The following STOX2 variants were observed in gnomAD, a reference collection of about 807,000 sequenced individuals.
The protein encoded by STOX2 is storkhead-box protein 2.
STOX2 carries 28 observed loss-of-function variants against 60.9 expected under a neutral mutation model. The observed-to-expected ratio is 0.46, with a 90% CI of 0.34 to 0.63. STOX2 has a LOEUF of 0.63. Among genes scored for constraint, STOX2 ranks in the 30% least tolerant of loss-of-function variants. The pLI, the probability that STOX2 is intolerant of heterozygous loss-of-function variation, is 0.01. For missense variants in STOX2, 1,024 were observed against 1,187.7 expected (o/e 0.86, Z 2.03); for synonymous variants, 472 against 463.9 (o/e 1.02, Z -0.22).
At position 183,873,306 on chromosome 4, in the gene STOX2, C is replaced by G. The variant is rs369489847; in HGVS notation, c.364+75251C>G. On this transcript the variant is annotated intron_variant, in intron 1 of 2. Transcript: ENST00000513034. ...CTACTAAAATGCAAAATTAGCCAGG[C>G]GTGTTGGCACATGCCTGTAATCCCA... is the stretch of plus-strand genomic sequence containing the variant. 1.3e-4 allele frequency among the ~76,000 whole-genome samples: 20 copies of G among 152,176 alleles called. No individual in the cohort carries two copies. The East Asian group carries it at 1.5e-3, about 12-fold the overall frequency.
intron 1 of STOX2, among the ~76,000 whole-genome samples, chr4:183,850,956 CGAT>C (rs1158898024): frequency 1.9e-3 from 20 of 10,476 alleles, no homozygotes; most frequent in African/African-American, 3.5e-3. Context: ...ATGAGGGAAA[CGAT>C]GAGGGAAAGG....
chr4:184,005,821 C>T (rs986069559), intron 2 of STOX2, among the ~76,000 whole-genome samples: 9 of 152,130 alleles, frequency 5.9e-5, no homozygotes, highest in African/African-American at 1.7e-4. Context: ...AGTCTGAAAA[C>T]TCTCAGGTCA....
intron 1 of STOX2, among the ~76,000 whole-genome samples, chr4:183,803,352 A>G (rs1579283343): frequency 6.6e-6 from 1 of 152,152 alleles, no homozygotes; most frequent in Non-Finnish European, 1.5e-5. Flanking sequence ...CTGAGATTAC[A>G]GATGTTAGCA....
chr4:183,978,840 T>C (rs750904369), intron 1 of STOX2, among the ~76,000 whole-genome samples: 3 of 152,146 alleles, frequency 2.0e-5, no homozygotes, highest in Non-Finnish European at 2.9e-5. Context: ...TTTGGGGTGA[T>C]AGAGCAATTC....
At position 184,010,899 on chromosome 4, in the gene STOX2, G is replaced by A. The variant is rs200863506; in HGVS notation, c.2061G>A (p.Glu687=). ...NGRLVQHHGA[E]PSSLDKRKEI... ...GCCTCGTCCAGCACCATGGTGCCGA[G>A]CCCAGCAGCTTGGACAAGAGGAAAG... The change falls in exon 3 of 4, where the codon GAG becomes GAA. Residue 687 remains glutamate, a synonymous_variant. Coordinates refer to ENST00000308497, the MANE Select transcript of STOX2 (RefSeq NM_020225.3). This position sits in a 1 kb window ranked among gnomAD's most constrained non-coding sequence, Gnocchi z 4.5. The A allele has an allele frequency of 2.6e-5, 42 of 1,613,066 alleles. No individual in the cohort carries two copies. The East Asian group carries it at 9.4e-4, about 36-fold the overall frequency.
At position 183,824,494 on chromosome 4, in the gene STOX2, TAAAC is replaced by T. The variant is rs1157113310; in HGVS notation, c.364+26441_364+26444del. On this transcript the variant is annotated intron_variant, in intron 1 of 2. Coordinates refer to the STOX2 transcript ENST00000513034. ...GGATGAACTCTGAGAGCTTCTCAAA[TAAAC>T]AGCCACAAAGATATTATTGTGTGAT... is the stretch of plus-strand genomic sequence containing the variant. 2.0e-5 allele frequency among the ~76,000 whole-genome samples: 3 copies of T among 152,138 alleles called. No homozygotes were observed. The East Asian group carries it at 5.8e-4, about 29-fold the overall frequency.
intron 1 of STOX2, among the ~76,000 whole-genome samples, chr4:183,932,963 AG>A (rs1337864002): frequency 6.6e-6 from 1 of 152,218 alleles, no homozygotes; most frequent in Non-Finnish European, 1.5e-5. Context: ...TATTCTGCAG[AG>A]CTTGCCTCTA....
chr4:183,935,045 G>A (rs1027790190), intron 1 of STOX2, among the ~76,000 whole-genome samples: 1 of 152,248 alleles, frequency 6.6e-6, no homozygotes, highest in African/African-American at 2.4e-5. Context: ...AGTTCAGTTT[G>A]TTCCATCTCC....
intron 1 of STOX2, among the ~76,000 whole-genome samples, chr4:183,927,867 C>T (rs551690333): frequency 6.6e-6 from 1 of 152,320 alleles, no homozygotes; most frequent in East Asian, 1.9e-4. Flanking sequence ...TGTTTCTCCA[C>T]TTGCAGGTAA....
chr4:183,891,306 A>G (rs113306893), intron 1 of STOX2, among the ~76,000 whole-genome samples: 1,594 of 9,956 alleles, frequency 0.16, 69 homozygotes, highest in African/African-American at 0.27. Context: ...ATATATATAT[A>G]TATCTATGAT....
intron 1 of STOX2, among the ~76,000 whole-genome samples, chr4:183,932,397 A>G (rs1200840990): frequency 3.2e-4 from 7 of 22,176 alleles, no homozygotes; most frequent in Non-Finnish European, 7.4e-4. Flanking sequence ...ATGTATACAT[A>G]CAGTATATGT....
At chr4:183,844,230 C>G (rs748920226) in intron 1 of STOX2, among the ~76,000 whole-genome samples, 35 of 152,210 alleles carry the variant, frequency 2.3e-4, no homozygotes, top group Middle Eastern at 3.4e-3. Context: ...TTGGAGAGTT[C>G]CCATGTTCCG....
intron 1 of STOX2, among the ~76,000 whole-genome samples, chr4:183,799,543 A>G (rs1298744849): frequency 6.6e-6 from 1 of 152,234 alleles, no homozygotes; most frequent in African/African-American, 2.4e-5. Flanking sequence ...AATATATACA[A>G]AAGTAGTATA....
At position 184,009,819 on chromosome 4, in the gene STOX2, C is replaced by G; in HGVS notation, c.981C>G (p.Val327=). The change falls in exon 3 of 4, where the codon GTC becomes GTG. Residue 327 remains valine, a synonymous_variant. Transcript: ENST00000308497. This position sits in a 1 kb window ranked among gnomAD's most constrained non-coding sequence, Gnocchi z 4.0. ...RINPDLTVEN[V]MRHTALMKKL... is the part of the protein sequence containing the mutation. ...ACCCAGACCTGACCGTGGAAAATGT[C>G]ATGCGGCACACCGCGCTCATGAAGA... 1 of 1,612,142 alleles carries G rather than the reference C, an allele frequency of 6.2e-7. No individual in the cohort carries two copies. Among genetic ancestry groups the G allele is most frequent in the Non-Finnish European group, 8.5e-7 (1 of 1,179,126 alleles).
At chr4:183,927,009 AG>A (rs1410125148) in intron 1 of STOX2, among the ~76,000 whole-genome samples, 1 of 152,246 alleles carries the variant, frequency 6.6e-6, no homozygotes, top group Non-Finnish European at 1.5e-5. Flanking sequence ...CTTAACAGAA[AG>A]GAAAAAATGC....
intron 1 of STOX2, among the ~76,000 whole-genome samples, chr4:183,929,757 G>A (rs1163480106): frequency 2.6e-5 from 4 of 152,150 alleles, no homozygotes; most frequent in South Asian, 2.1e-4. Flanking sequence ...CCGGTTAAAC[G>A]TATTTCTGAG....
At chr4:183,867,627 T>C (rs1199053221) in intron 1 of STOX2, among the ~76,000 whole-genome samples, 2 of 152,254 alleles carry the variant, frequency 1.3e-5, no homozygotes, top group Non-Finnish European at 2.9e-5. Context: ...CCATCGTTTG[T>C]CATCCTGAGA....
chr4:184,016,627 G>A (rs756227520), intron 3 of STOX2, among the ~76,000 whole-genome samples: 1 of 152,126 alleles, frequency 6.6e-6, no homozygotes, highest in Non-Finnish European at 1.5e-5. Flanking sequence ...CCCCACAGTC[G>A]AAATCTGCTA....
At chr4:183,841,156 C>T (rs1363176867) in intron 1 of STOX2, among the ~76,000 whole-genome samples, 1 of 152,038 alleles carries the variant, frequency 6.6e-6, no homozygotes, top group East Asian at 1.9e-4. Context: ...TGTGTCACCA[C>T]GCCCGGTTCA....
Sources: gnomAD v4.1 joint callset for allele counts (sites outside exome capture counted in the v4.1 genomes callset) on GRCh38, gnomAD v4.1.1 for gene constraint, Gnocchi (gnomAD v3.1) non-coding constraint, MANE v1.5 for transcripts, NCBI Gene and HGNC (gene_info 2026-07-23, HGNC 2026-07-21) for gene names.